Variants in TBC1D5 observed in about 807,000 individuals in gnomAD.
TBC1D5 encodes the protein TBC1 domain family member 5, also known as TBC1 domain family, member 5.
Under a neutral mutation model 100.3 loss-of-function variants are expected in TBC1D5, and 75 were observed. The observed-to-expected ratio is 0.75, with a 90% CI of 0.62 to 0.91. TBC1D5 has a LOEUF of 0.91. Among genes scored for constraint, TBC1D5 ranks in the 40% least tolerant of loss-of-function variants. The probability of loss-of-function intolerance (pLI) is 0.00; values close to 1 mark genes in which losing one functional copy is unlikely to be tolerated. For synonymous variants in TBC1D5, 323 were observed against 325.6 expected (o/e 0.99, Z 0.09); for missense variants, 910 against 942.4 (o/e 0.97, Z 0.45).
At chr3:17,471,927 T>C (rs2095380181) in intron 3 of TBC1D5, among the ~76,000 whole-genome samples, 1 of 152,108 alleles carries the variant, frequency 6.6e-6, no homozygotes, top group African/African-American at 2.4e-5. Context: ...GGTCAGAACA[T>C]GAGCAGAGTT....
At chr3:17,263,366 C>CAAAAAAAAAAAAA (rs71049192) in intron 15 of TBC1D5, among the ~76,000 whole-genome samples, 1 of 80,994 alleles carries the variant, frequency 1.2e-5, no homozygotes, top group Non-Finnish European at 2.4e-5. Context: ...ACCCTGTCTC[C>CAAAAAAAAAAAAA]AAAAAAAAAA....
intron 2 of TBC1D5, among the ~76,000 whole-genome samples, chr3:17,613,012 T>C (rs559773882): frequency 3.9e-5 from 6 of 152,068 alleles, no homozygotes; most frequent in South Asian, 2.1e-4. Context: ...ATTACATATT[T>C]CTCCTAATGA....
At chr3:17,624,889 C>G (rs976927224) in intron 1 of TBC1D5, among the ~76,000 whole-genome samples, 34 of 151,916 alleles carry the variant, frequency 2.2e-4, no homozygotes, top group Non-Finnish European at 7.4e-5. Flanking sequence ...TGACAAGACG[C>G]CAGAGAGAAC....
chr3:17,727,119 A>C (rs962930639), intron 1 of TBC1D5, among the ~76,000 whole-genome samples: 8 of 152,264 alleles, frequency 5.3e-5, no homozygotes, highest in Non-Finnish European at 1.2e-4. Context: ...ACAGTGGCTC[A>C]TGCCTGTAAT....
In TBC1D5 at chr3:17,680,014, C is replaced by G. The variant is rs141936962; in HGVS notation, c.-100-56101G>C. Among the ~76,000 whole-genome samples the G allele has an allele frequency of 1.2e-4, 18 of 151,502 alleles. 1 individual carries two copies. The highest frequency in any genetic ancestry group is 4.4e-4 in the African/African-American group (18 of 40,810). On this transcript the variant is annotated intron_variant, in intron 1 of 21. Transcript: ENST00000253692. ...GAGCAGCACCAACCTTGTTTGAAAA[C>G]TCTTAGTCTAAAAGTCTTACATTAA...
At chr3:17,206,332 C>T (rs940886358) in intron 18 of TBC1D5, among the ~76,000 whole-genome samples, 1 of 152,078 alleles carries the variant, frequency 6.6e-6, no homozygotes, top group Non-Finnish European at 1.5e-5. Flanking sequence ...AACTTTTCCC[C>T]CTTCCAATTT....
At chr3:17,565,069 C>A (rs1274437111) in intron 2 of TBC1D5, among the ~76,000 whole-genome samples, 1 of 152,000 alleles carries the variant, frequency 6.6e-6, no homozygotes, top group Non-Finnish European at 1.5e-5. Flanking sequence ...GTTATTGTCC[C>A]AGTACTTATT....
chr3:17,601,741 A>T (rs533882766), intron 2 of TBC1D5, among the ~76,000 whole-genome samples: 1 of 152,326 alleles, frequency 6.6e-6, no homozygotes, highest in Non-Finnish European at 1.5e-5. Context: ...GTTATTATTA[A>T]CATTATTCCC....
rs759817610 is a variant in TBC1D5, at chr3:17,632,268, C to A, written c.-100-8355G>T. Among the ~76,000 whole-genome samples the A allele has an allele frequency of 5.9e-5, 9 of 152,264 alleles. No individual in the cohort carries two copies. In the South Asian group the frequency reaches 1.7e-3, roughly 28 times the overall value. On this transcript the variant is annotated intron_variant, in intron 1 of 21. Coordinates refer to ENST00000253692, the Ensembl canonical transcript of TBC1D5. Reference sequence around the variant, plus strand: ...ACAAAACAAGAATTAGAAGTGGAACCTGAAGATAAGACTTTAATTGCTGAA... The same window carrying A: ...ACAAAACAAGAATTAGAAGTGGAACATGAAGATAAGACTTTAATTGCTGAA...
chr3:17,726,877 G>A (rs981120045), intron 1 of TBC1D5, among the ~76,000 whole-genome samples: 6 of 152,070 alleles, frequency 3.9e-5, no homozygotes, highest in African/African-American at 7.2e-5. Flanking sequence ...GTGGAACTAC[G>A]TAACACTGAC....
At chr3:17,363,886 A>G (rs1280698927) in intron 13 of TBC1D5, among the ~76,000 whole-genome samples, 1 of 151,914 alleles carries the variant, frequency 6.6e-6, no homozygotes, top group Non-Finnish European at 1.5e-5. Context: ...TCTTCATATT[A>G]TTTCTTTATG....
At chr3:17,613,000 A>T (rs1472357747) in intron 2 of TBC1D5, among the ~76,000 whole-genome samples, 1 of 151,840 alleles carries the variant, frequency 6.6e-6, no homozygotes, top group Non-Finnish European at 1.5e-5. Context: ...CAAGTCATTT[A>T]CATTACATAT....
At chr3:17,473,574 C>T (rs1053535177) in intron 3 of TBC1D5, among the ~76,000 whole-genome samples, 1 of 152,138 alleles carries the variant, frequency 6.6e-6, no homozygotes, top group East Asian at 1.9e-4. Flanking sequence ...TGTACTTCTA[C>T]AAAGAATAAA....
At chr3:17,467,191 T>C (rs1383172421) in intron 3 of TBC1D5, among the ~76,000 whole-genome samples, 2 of 151,848 alleles carry the variant, frequency 1.3e-5, no homozygotes, top group Admixed American at 6.6e-5. Flanking sequence ...CTAGGTCTGA[T>C]CCTTCATCCC....
intron 1 of TBC1D5, among the ~76,000 whole-genome samples, chr3:17,685,100 T>C (rs1174262893): frequency 6.6e-6 from 1 of 152,034 alleles, no homozygotes; most frequent in African/African-American, 2.4e-5. Flanking sequence ...TAAGTGACTC[T>C]AAAATGAGTA....
At chr3:17,210,396 C>T (rs2072827132) in intron 18 of TBC1D5, among the ~76,000 whole-genome samples, 1 of 152,186 alleles carries the variant, frequency 6.6e-6, no homozygotes, top group African/African-American at 2.4e-5. Flanking sequence ...CCATGTTGGT[C>T]AGGCTGGTCT....
At chr3:17,461,618 ATC>A (rs1204858713) in intron 3 of TBC1D5, among the ~76,000 whole-genome samples, 1 of 151,956 alleles carries the variant, frequency 6.6e-6, no homozygotes, top group Non-Finnish European at 1.5e-5. Context: ...CTGTGTATAA[ATC>A]TGTCTCTTTT....
chr3:17,710,808 CT>C (rs1184344269), intron 1 of TBC1D5, among the ~76,000 whole-genome samples: 1 of 152,028 alleles, frequency 6.6e-6, no homozygotes, highest in Non-Finnish European at 1.5e-5. Context: ...AGCAATTCTC[CT>C]GCCTCGGCCT....
At chr3:17,658,934 A>T (rs2153736669) in intron 1 of TBC1D5, among the ~76,000 whole-genome samples, 1 of 152,328 alleles carries the variant, frequency 6.6e-6, no homozygotes, top group East Asian at 1.9e-4. Flanking sequence ...CTGGGATTAC[A>T]GGTGTGAGTC....
Sources: gnomAD v4.1 joint callset for allele counts (sites outside exome capture counted in the v4.1 genomes callset) on GRCh38, gnomAD v4.1.1 for gene constraint, MANE v1.5 for transcripts, NCBI Gene and HGNC (gene_info 2026-07-23, HGNC 2026-07-21) for gene names.